PDE6C: variants seen among roughly 807,000 people sequenced by gnomAD.
PDE6C encodes cone cGMP-specific 3',5'-cyclic phosphodiesterase subunit alpha'.
A neutral mutation model predicts 113.1 loss-of-function variants in PDE6C; 75 were observed. The ratio of observed to expected loss-of-function variants is 0.66; its 90% CI spans 0.55 to 0.80. The LOEUF (loss-of-function observed/expected upper bound fraction) is 0.80. Among genes scored for constraint, PDE6C ranks in the 30% least tolerant of loss-of-function variants. The pLI, the probability that PDE6C is intolerant of heterozygous loss-of-function variation, is 0.00. For missense variants in PDE6C, 912 were observed against 1,038.6 expected (o/e 0.88, Z 1.67); for synonymous variants, 375 against 363.7 (o/e 1.03, Z -0.35).
chr10:93,619,519 C>T (rs985137886), intron 1 of PDE6C, among the ~76,000 whole-genome samples: 2 of 152,092 alleles, frequency 1.3e-5, no homozygotes, highest in African/African-American at 2.4e-5. Flanking sequence ...CTCTGTCTCC[C>T]GGGTTCAAGC....
rs557645202 is a variant in PDE6C, at chr10:93,655,635, A to C, written c.1936-125A>C. 1.2e-4 allele frequency: 68 copies of C among 591,168 alleles called. No individual in the cohort carries two copies. In the African/African-American group the frequency reaches 1.2e-3, roughly 10 times the overall value. 36.6% of individuals were successfully genotyped at this position (591,168 alleles called of 1,614,324 possible). A position where few individuals can be genotyped will look rare whatever the true frequency, so the allele number is the denominator to read the frequency against. On this transcript the variant is annotated intron_variant, in intron 15 of 21. Transcript: ENST00000371447. ...CAAAAAAAAAAAAAAAAAAGGAAGG[A>C]AAACAAAAAAAAAACAAACAAAAAA...
chr10:93,644,831 T>TAC (rs1241778622), intron 14 of PDE6C, among the ~76,000 whole-genome samples: 3 of 141,160 alleles, frequency 2.1e-5, no homozygotes, highest in Non-Finnish European at 3.1e-5. Flanking sequence ...ACTATATATA[T>TAC]ACTATATATA....
intron 8 of PDE6C, 109 bp from the exon 9 acceptor site, chr10:93,634,649 A>G: frequency 1.8e-6 from 2 of 1,115,352 alleles, no homozygotes; most frequent in Non-Finnish European, 2.7e-6. Context: ...AACTGGGTGA[A>G]GGGTACCTGA....
At chr10:93,640,268 C>CAGAAAACATCAG in intron 12 of PDE6C, 52 bp downstream of exon 12, 1 of 1,523,042 alleles carries the variant, frequency 6.6e-7, no homozygotes, top group Non-Finnish European at 9.1e-7. Context: ...CTCTGCTTCA[C>CAGAAAACATCAG]TGATGTTTTC....
intron 11 of PDE6C, among the ~76,000 whole-genome samples, chr10:93,639,567 G>T (rs1333994362): frequency 2.0e-5 from 3 of 152,194 alleles, no homozygotes; most frequent in Admixed American, 2.0e-4. Context: ...AGGACCTGCA[G>T]ATTTGGGATA....
At chr10:93,628,318 C>T (rs897439389) in intron 7 of PDE6C, among the ~76,000 whole-genome samples, 1 of 152,002 alleles carries the variant, frequency 6.6e-6, no homozygotes, top group Admixed American at 6.6e-5. Flanking sequence ...GGTGTGGTGG[C>T]TCACGCCTGT....
At position 93,622,045 on chromosome 10, in the gene PDE6C, T is replaced by C; in HGVS notation, c.837T>C (p.Ile279=). Residue 279 remains isoleucine (I), a synonymous_variant, in exon 4 of 22, where the codon ATT becomes ATC. Transcript: ENST00000371447. ...ATCTGAACTGTGAACGATACTCCATTGGACTGCTGGACATGACCAAGGAGA... is the reference window on the plus strand; with the variant it reads ...ATCTGAACTGTGAACGATACTCCATCGGACTGCTGGACATGACCAAGGAGA... The part of the protein sequence containing the change: ...RSYLNCERYS[I]GLLDMTKEKE... The C allele has an allele frequency of 6.2e-7, 1 of 1,614,094 alleles. No homozygotes were observed. The highest frequency in any genetic ancestry group is 1.3e-5 in the African/African-American group (1 of 75,056).
In PDE6C at chr10:93,629,229, C is replaced by T. The variant is rs1186006994; in HGVS notation, c.1072-29C>T. The T allele has an allele frequency of 2.5e-6, 4 of 1,575,570 alleles. No homozygotes were observed. In the South Asian group the frequency reaches 4.4e-5, roughly 17 times the overall value. ...AAGAGGGCTCCACTACACAATATTT[C>T]AGACCATTTGTCTCCTCTTGCCTTC... On this transcript the variant is annotated intron_variant, in intron 7 of 21. Coordinates refer to ENST00000371447, the MANE Select transcript of PDE6C (RefSeq NM_006204.4).
chr10:93,629,492 G>A (rs1409335), intron 8 of PDE6C, among the ~76,000 whole-genome samples, 187 bp downstream of exon 8: 55,534 of 151,746 alleles, frequency 0.37, 10,326 homozygotes, highest in East Asian at 0.46. Context: ...AAGAAAAGAA[G>A]GTTAAGACAG....
chr10:93,650,239 A>G (rs2058603524), intron 15 of PDE6C, among the ~76,000 whole-genome samples: 1 of 152,118 alleles, frequency 6.6e-6, no homozygotes, highest in Non-Finnish European at 1.5e-5. Context: ...CATGTTGTGT[A>G]TATCCATGAT....
At chr10:93,624,535 G>A (rs988734890) in intron 4 of PDE6C, among the ~76,000 whole-genome samples, 9 of 152,142 alleles carry the variant, frequency 5.9e-5, no homozygotes, top group African/African-American at 2.2e-4. Context: ...ACCGCACCTG[G>A]CCTTATTTAT....
chr10:93,621,841 T>G (rs2058447953), intron 3 of PDE6C, 91 bp from the exon 4 acceptor site: 1 of 1,177,624 alleles, frequency 8.5e-7, no homozygotes, highest in Admixed American at 1.7e-5. Context: ...TTTATTTTAT[T>G]TGATGCACCT....
chr10:93,653,220 A>G (rs2058617351), intron 15 of PDE6C, among the ~76,000 whole-genome samples: 1 of 152,190 alleles, frequency 6.6e-6, no homozygotes, highest in Non-Finnish European at 1.5e-5. Context: ...AGTGGGATCA[A>G]AATGACTCCA....
At chr10:93,613,561 C>G (rs907751194) in intron 1 of PDE6C, among the ~76,000 whole-genome samples, 10 of 152,176 alleles carry the variant, frequency 6.6e-5, no homozygotes, top group African/African-American at 2.4e-4. Context: ...TCAGCAACAC[C>G]AGCAAAACAA....
intron 12 of PDE6C, 67 bp downstream of exon 12, chr10:93,640,283 G>T (rs1460249420): frequency 2.0e-6 from 3 of 1,478,280 alleles, no homozygotes; most frequent in African/African-American, 2.8e-5. Flanking sequence ...GTTTTCTGTG[G>T]TTCAAAAGAT....
intron 9 of PDE6C, among the ~76,000 whole-genome samples, 183 bp from the exon 10 acceptor site, chr10:93,635,314 A>C (rs910306094): frequency 6.6e-6 from 1 of 152,158 alleles, no homozygotes; most frequent in Non-Finnish European, 1.5e-5. Flanking sequence ...ACACTTTAAA[A>C]AGCAATAATT....
chr10:93,662,032 A>G (rs2058668140), intron 18 of PDE6C, 27 bp from the exon 19 acceptor site: 5 of 1,445,728 alleles, frequency 3.5e-6, no homozygotes, highest in Non-Finnish European at 4.9e-6. Flanking sequence ...AAGTGGATTT[A>G]GTGAACCAAG....
Position 93,632,661 on chromosome 10 carries a change from C to T in PDE6C, c.1120-2097C>T, listed in dbSNP as rs575751276. On this transcript the variant is annotated intron_variant, in intron 8 of 21. Transcript: ENST00000371447. ...TTCTTTCACACGCATGTGATATATT[C>T]TCTATTACTGATTTTGTCCTTGGTT... Among the ~76,000 whole-genome samples, 18 of 152,286 alleles carry T rather than the reference C, an allele frequency of 1.2e-4. No homozygotes were observed. The East Asian group carries it at 2.9e-3, about 25-fold the overall frequency.
chr10:93,616,215 G>T (rs1446548859), intron 1 of PDE6C, among the ~76,000 whole-genome samples: 1 of 152,218 alleles, frequency 6.6e-6, no homozygotes, highest in East Asian at 1.9e-4. Flanking sequence ...CTCAGGTCTT[G>T]GAGGCCTCCC....
Sources: gnomAD v4.1 joint callset for allele counts (sites outside exome capture counted in the v4.1 genomes callset) on GRCh38, gnomAD v4.1.1 for gene constraint, MANE v1.5 for transcripts, NCBI Gene and HGNC (gene_info 2026-07-23, HGNC 2026-07-21) for gene names.